The following SPATA16 variants were observed in gnomAD, a reference collection of about 807,000 sequenced individuals.
The protein encoded by SPATA16 is spermatogenesis-associated protein 16.
A neutral mutation model predicts 63.3 loss-of-function variants in SPATA16; 36 were observed. The observed-to-expected ratio is 0.57, with a 90% confidence interval of 0.44 to 0.75. The LOEUF (loss-of-function observed/expected upper bound fraction) is 0.75, where lower values mean the gene tolerates loss of function less well. Among genes scored for constraint, SPATA16 ranks in the 30% least tolerant of loss-of-function variants. The probability of loss-of-function intolerance (pLI) is 0.00; values close to 1 mark genes in which losing one functional copy is unlikely to be tolerated. For missense variants in SPATA16, 646 were observed against 679.3 expected (o/e 0.95, Z 0.54); for synonymous variants, 203 against 216.7 (o/e 0.94, Z 0.56).
At chr3:172,973,154 T>A (rs1734084117) in intron 5 of SPATA16, among the ~76,000 whole-genome samples, 1 of 152,174 alleles carries the variant, frequency 6.6e-6, no homozygotes, top group African/African-American at 2.4e-5. Flanking sequence ...ACAAAAGACT[T>A]TTCACAAGAG....
At chr3:172,939,118 C>T (rs984681432) in intron 6 of SPATA16, among the ~76,000 whole-genome samples, 13 of 152,078 alleles carry the variant, frequency 8.5e-5, no homozygotes, top group African/African-American at 2.9e-4. Flanking sequence ...AATGTATACT[C>T]TCCATGCATT....
At chr3:173,015,057 T>C (rs560879516) in intron 4 of SPATA16, among the ~76,000 whole-genome samples, 34 of 141,534 alleles carry the variant, frequency 2.4e-4, no homozygotes, top group African/African-American at 1.0e-3. Context: ...TCTTTTTTCT[T>C]TTTTCTCTTT....
At chr3:173,004,494 C>A (rs966433214) in intron 4 of SPATA16, among the ~76,000 whole-genome samples, 3 of 151,588 alleles carry the variant, frequency 2.0e-5, no homozygotes, top group Admixed American at 6.6e-5. Context: ...CCTCTCAACT[C>A]CTTAAATCAG....
intron 1 of SPATA16, among the ~76,000 whole-genome samples, chr3:173,118,012 G>A (rs765532606): frequency 1.1e-4 from 16 of 152,092 alleles, no homozygotes; most frequent in Non-Finnish European, 2.4e-4. Context: ...GAACAACATC[G>A]AATGAATACT....
chr3:173,103,943 A>T (rs375945275), intron 2 of SPATA16, among the ~76,000 whole-genome samples: 16 of 152,324 alleles, frequency 1.1e-4, no homozygotes, highest in East Asian at 7.7e-4. Flanking sequence ...CTGCTCCTGC[A>T]TCTGACTACA....
At chr3:173,122,393 T>C (rs1306665704) in intron 1 of SPATA16, among the ~76,000 whole-genome samples, 1 of 152,176 alleles carries the variant, frequency 6.6e-6, no homozygotes, top group Non-Finnish European at 1.5e-5. Flanking sequence ...CCACAGCTTA[T>C]TTATTAAATT....
intron 6 of SPATA16, among the ~76,000 whole-genome samples, chr3:172,929,158 C>T (rs1732807628): frequency 6.6e-6 from 1 of 152,192 alleles, no homozygotes; most frequent in Non-Finnish European, 1.5e-5. Context: ...GGGAGAAACA[C>T]ATCTTTTAAT....
intron 2 of SPATA16, among the ~76,000 whole-genome samples, chr3:173,066,998 G>A (rs1024620343): frequency 6.8e-6 from 1 of 146,086 alleles, no homozygotes; most frequent in African/African-American, 2.7e-5. Flanking sequence ...AAATTCTGGA[G>A]CTGAAAAATT....
In SPATA16 at chr3:173,030,103, TACCC is replaced by T. The variant is rs368264581; in HGVS notation, c.759-10532_759-10529del. Among the ~76,000 whole-genome samples, 905 of 140,914 alleles carry T rather than the reference TACCC, an allele frequency of 6.4e-3. 8 individuals carry two copies. The highest frequency in any genetic ancestry group is 0.022 in the African/African-American group (808 of 36,360). 92.4% of individuals were successfully genotyped at this position (140,914 alleles called of 152,430 possible). A position where few individuals can be genotyped will look rare whatever the true frequency, so the allele number is the denominator to read the frequency against. On this transcript the variant is annotated intron_variant, in intron 3 of 10. Coordinates refer to ENST00000351008, the MANE Select transcript of SPATA16 (RefSeq NM_031955.6). ...CTATCTATCTATCTATCTATCTATC[TACCC>T]ACCCACCTACCTGTCTATCTATATT...
At chr3:172,897,307 C>T (rs79510233) in intron 10 of SPATA16, among the ~76,000 whole-genome samples, 2,368 of 152,176 alleles carry the variant, frequency 0.016, 50 homozygotes, top group African/African-American at 0.054. Flanking sequence ...TTCCATTGAG[C>T]TTTGTGTTAA....
intron 10 of SPATA16, among the ~76,000 whole-genome samples, chr3:172,902,292 T>G (rs1185422307): frequency 6.6e-6 from 1 of 152,158 alleles, no homozygotes; most frequent in Non-Finnish European, 1.5e-5. Context: ...TCTGCCCACC[T>G]CAGCCTCCCA....
intron 1 of SPATA16, among the ~76,000 whole-genome samples, chr3:173,118,391 A>C (rs1236896911): frequency 6.6e-6 from 1 of 152,238 alleles, no homozygotes; most frequent in Non-Finnish European, 1.5e-5. Context: ...AGTCTACTGT[A>C]TTAGTCTATT....
At chr3:173,130,905 A>G (rs1247748802) in intron 1 of SPATA16, among the ~76,000 whole-genome samples, 1 of 152,232 alleles carries the variant, frequency 6.6e-6, no homozygotes, top group African/African-American at 2.4e-5. Context: ...GGTAAGTAAC[A>G]ATACTTATTT....
chr3:173,077,255 C>A (rs1273175844), intron 2 of SPATA16, among the ~76,000 whole-genome samples: 1 of 151,770 alleles, frequency 6.6e-6, no homozygotes, highest in Non-Finnish European at 1.5e-5. Context: ...TTTTCTGATT[C>A]CAAGTATACA....
chr3:173,106,624 C>T (rs983587718), intron 2 of SPATA16, among the ~76,000 whole-genome samples: 1 of 152,158 alleles, frequency 6.6e-6, no homozygotes, highest in Non-Finnish European at 1.5e-5. Context: ...ATTCCAATGT[C>T]CTCTTCCTGG....
At chr3:172,890,287 A>G (rs558693567) in intron 10 of SPATA16, among the ~76,000 whole-genome samples, 1 of 152,356 alleles carries the variant, frequency 6.6e-6, no homozygotes, top group Admixed American at 6.5e-5. Context: ...CTTGAAAAAG[A>G]ATTAGTCTTT....
At chr3:172,901,034 TGTTATA>T (rs1261870550) in intron 10 of SPATA16, among the ~76,000 whole-genome samples, 2 of 151,892 alleles carry the variant, frequency 1.3e-5, no homozygotes, top group South Asian at 4.2e-4. Flanking sequence ...ATAAATTTTT[TGTTATA>T]GTTATTTTAT....
At chr3:173,044,174 C>G (rs1417766804) in intron 3 of SPATA16, among the ~76,000 whole-genome samples, 1 of 151,944 alleles carries the variant, frequency 6.6e-6, no homozygotes, top group Non-Finnish European at 1.5e-5. Context: ...TTTTTATATC[C>G]TATTTTCTCT....
At chr3:172,995,104 G>T (rs1294354405) in intron 4 of SPATA16, among the ~76,000 whole-genome samples, 1 of 151,958 alleles carries the variant, frequency 6.6e-6, no homozygotes, top group East Asian at 1.9e-4. Flanking sequence ...TAATGGACAA[G>T]GAAAAGAAAA....
Sources: gnomAD v4.1 joint callset for allele counts (sites outside exome capture counted in the v4.1 genomes callset) on GRCh38, gnomAD v4.1.1 for gene constraint, MANE v1.5 for transcripts, NCBI Gene and HGNC (gene_info 2026-07-23, HGNC 2026-07-21) for gene names.